The following ATXN1 variants were observed in gnomAD, a reference collection of about 807,000 sequenced individuals.
ATXN1 encodes the protein ataxin 1.
A neutral mutation model predicts 56.4 loss-of-function variants in ATXN1; 8 were observed. That is an observed-to-expected ratio of 0.14 (90% CI 0.08 to 0.26). ATXN1 has a LOEUF of 0.26. Among genes scored for constraint, ATXN1 ranks in the 10% least tolerant of loss-of-function variants. ATXN1 has a pLI of 1.00. For missense variants in ATXN1, 987 were observed against 1,106.5 expected (o/e 0.89, Z 1.53); for synonymous variants, 514 against 494.6 (o/e 1.04, Z -0.52).
At position 16,611,191 on chromosome 6, in the gene ATXN1, T is replaced by C. The variant is rs140688049; in HGVS notation, c.-488-25284A>G. On this transcript the variant is annotated intron_variant, in intron 3 of 7. Transcript: ENST00000436367. Reference sequence around the variant, plus strand: ...AACATCTATATGTCTATATCTAACTTTAAAAAAGAAAAGGAGAATTCCAAA... The same window carrying C: ...AACATCTATATGTCTATATCTAACTCTAAAAAAGAAAAGGAGAATTCCAAA... Among the ~76,000 whole-genome samples, 313 of 152,254 alleles carry C rather than the reference T, an allele frequency of 2.1e-3. 1 individual carries two copies. The highest frequency in any genetic ancestry group is 6.9e-3 in the African/African-American group (286 of 41,542).
At chr6:16,754,749 G>A (rs1450319857) in intron 1 of ATXN1, 1 of 152,192 alleles carries the variant, frequency 6.6e-6, no homozygotes, top group East Asian at 1.9e-4. Context: ...CATGTGATCT[G>A]TGCGTACAGA....
chr6:16,327,310 T>C lies in ATXN1; in HGVS notation c.1001A>G (p.Tyr334Cys). Residue 334 changes from tyrosine (Y) to cysteine (C), a missense_variant, in exon 7 of 8, where the codon TAC (tyrosine) becomes TGC (cysteine). This residue lies in a region of ATXN1 where 723 missense variants were observed against 791.7 expected (regional missense o/e 0.91). Coordinates refer to ENST00000436367, the MANE Select transcript of ATXN1 (RefSeq NM_001128164.2). ...CAGGTCGGCTGAGGACGGGGCCCCG[T>C]ACCGCCGGCTCTTCTCCATCTCACC... ...LNGEMEKSRR[Y>C]GAPSSADLGL... 10 of 1,613,134 alleles carry C rather than the reference T, an allele frequency of 6.2e-6. No individual in the cohort carries two copies. Among genetic ancestry groups the C allele is most frequent in the Non-Finnish European group, 8.5e-6 (10 of 1,179,974 alleles).
At chr6:16,642,877 T>C (rs573235970) in intron 3 of ATXN1, among the ~76,000 whole-genome samples, 2 of 152,362 alleles carry the variant, frequency 1.3e-5, no homozygotes, top group South Asian at 4.1e-4. Flanking sequence ...TATAGTATGG[T>C]GTAAACATAA....
intron 6 of ATXN1, among the ~76,000 whole-genome samples, chr6:16,470,764 A>G (rs532526018): frequency 3.3e-5 from 5 of 152,260 alleles, no homozygotes; most frequent in African/African-American, 1.2e-4. Context: ...AGGTCAAGAC[A>G]GGAGGATCAC....
intron 3 of ATXN1, among the ~76,000 whole-genome samples, chr6:16,648,500 A>G (rs1561793009): frequency 6.6e-6 from 1 of 152,210 alleles, no homozygotes; most frequent in African/African-American, 2.4e-5. Context: ...AAAAGTTTGC[A>G]ACCCCATGGC....
intron 6 of ATXN1, among the ~76,000 whole-genome samples, chr6:16,462,792 C>A (rs996251433): frequency 3.3e-5 from 5 of 152,100 alleles, no homozygotes; most frequent in Admixed American, 1.3e-4. Context: ...TGTAATTACA[C>A]TCTCCAACTT....
intron 6 of ATXN1, among the ~76,000 whole-genome samples, chr6:16,343,163 T>C (rs904367796): frequency 2.0e-5 from 3 of 152,066 alleles, no homozygotes; most frequent in Non-Finnish European, 4.4e-5. Context: ...GCTAACACGG[T>C]GAAACCCTGT....
intron 2 of ATXN1, among the ~76,000 whole-genome samples, chr6:16,730,405 C>A (rs1050247992): frequency 6.7e-6 from 1 of 150,302 alleles, no homozygotes; most frequent in Non-Finnish European, 1.5e-5. Flanking sequence ...AAGATTATCA[C>A]TAAAAATCCC....
chr6:16,624,758 G>A (rs1464290087), intron 3 of ATXN1, among the ~76,000 whole-genome samples: 1 of 152,138 alleles, frequency 6.6e-6, no homozygotes, highest in Non-Finnish European at 1.5e-5. Flanking sequence ...CAACGACTCT[G>A]CAAAAACAAG....
chr6:16,759,964 T>C (rs1761020214), intron 1 of ATXN1, among the ~76,000 whole-genome samples: 1 of 151,710 alleles, frequency 6.6e-6, no homozygotes, highest in Admixed American at 6.5e-5. Flanking sequence ...GCGACGGCCC[T>C]CGCCCCCCGC....
chr6:16,591,796 G>T (rs1195944207), intron 3 of ATXN1, among the ~76,000 whole-genome samples: 1 of 152,122 alleles, frequency 6.6e-6, no homozygotes, highest in Admixed American at 6.6e-5. Context: ...CACACACTTT[G>T]ATACTCTTAT....
intron 6 of ATXN1, among the ~76,000 whole-genome samples, chr6:16,389,072 C>G (rs945602952): frequency 6.6e-6 from 1 of 152,186 alleles, no homozygotes; most frequent in East Asian, 1.9e-4. Context: ...CGTGGTGGCT[C>G]ACGCCTGTAA....
chr6:16,617,779 A>AAAAAAAAG (rs1241169996), intron 3 of ATXN1, among the ~76,000 whole-genome samples: 6 of 151,582 alleles, frequency 4.0e-5, no homozygotes, highest in African/African-American at 1.2e-4. Context: ...AAAAAAAAAA[A>AAAAAAAAG]AAAGAAATAT....
chr6:16,753,105 C>A, intron 2 of ATXN1, 128 bp downstream of exon 2: 2 of 373,688 alleles, frequency 5.4e-6, no homozygotes, highest in South Asian at 2.0e-5. Context: ...CACACTATGC[C>A]CAAACAGAGT....
intron 6 of ATXN1, among the ~76,000 whole-genome samples, chr6:16,423,253 G>A (rs921576756): frequency 1.3e-5 from 2 of 152,002 alleles, no homozygotes; most frequent in Non-Finnish European, 2.9e-5. Context: ...CCATCCTCAC[G>A]GCCTTCTACT....
chr6:16,571,221 G>C (rs754989070), intron 4 of ATXN1, among the ~76,000 whole-genome samples: 4 of 152,104 alleles, frequency 2.6e-5, no homozygotes, highest in Non-Finnish European at 4.4e-5. Flanking sequence ...AGGTGACCTG[G>C]CTGGTATATA....
chr6:16,542,328 AT>A (rs1419774283), intron 4 of ATXN1, among the ~76,000 whole-genome samples: 1 of 152,166 alleles, frequency 6.6e-6, no homozygotes, highest in Non-Finnish European at 1.5e-5. Flanking sequence ...ATAAATCTAA[AT>A]TGCGCTCTTC....
chr6:16,330,356 A>G (rs926790353), intron 6 of ATXN1, among the ~76,000 whole-genome samples: 7 of 149,096 alleles, frequency 4.7e-5, no homozygotes, highest in African/African-American at 1.7e-4. Context: ...ACTATTTTTT[A>G]GAGGGGGCAA....
At chr6:16,617,924 C>G (rs557669520) in intron 3 of ATXN1, among the ~76,000 whole-genome samples, 1 of 151,610 alleles carries the variant, frequency 6.6e-6, no homozygotes, top group Non-Finnish European at 1.5e-5. Context: ...TCATTGAATC[C>G]TCATGTCTAA....
Sources: gnomAD v4.1 joint callset for allele counts (sites outside exome capture counted in the v4.1 genomes callset) on GRCh38, gnomAD v4.1.1 for gene constraint, gnomAD v4.1.1 regional missense constraint, MANE v1.5 for transcripts, NCBI Gene and HGNC (gene_info 2026-07-23, HGNC 2026-07-21) for gene names.